Variants in PHF13 observed in about 807,000 individuals in gnomAD.
PHF13 encodes PHD zinc finger protein PHF5.
Under a neutral mutation model 25.8 loss-of-function variants are expected in PHF13, and 1 was observed. That is an observed-to-expected ratio of 0.04 (90% confidence interval 0.01 to 0.18). PHF13 has a LOEUF of 0.18. Among genes scored for constraint, PHF13 ranks in the 10% least tolerant of loss-of-function variants. The probability of loss-of-function intolerance (pLI) is 1.00; values close to 1 mark genes in which losing one functional copy is unlikely to be tolerated. For missense variants in PHF13, 306 were observed against 403.2 expected, an observed-to-expected ratio of 0.76 and a Z score of 2.06; for synonymous variants, 195 against 162.4, an observed-to-expected ratio of 1.20 and a Z score of -1.53.
At position 6,623,411 on chromosome 1, in the gene PHF13, G is replaced by A. The variant is rs1260181327; in HGVS notation, c.*1774G>A. On this transcript the variant is annotated 3_prime_UTR_variant, in exon 4 of 4. Transcript: ENST00000377648. Reference sequence around the variant, plus strand: ...CGAGGGCAAACAGCCAGGACGCATTGGAGAGGAATTTGCCAAAGATCTACC... The same window carrying A: ...CGAGGGCAAACAGCCAGGACGCATTAGAGAGGAATTTGCCAAAGATCTACC... 1 of 152,304 alleles carries A rather than the reference G, an allele frequency of 6.6e-6. No homozygotes were observed. Among genetic ancestry groups the A allele is most frequent in the Non-Finnish European group, 1.5e-5 (1 of 67,958 alleles). 9.4% of individuals were successfully genotyped at this position (152,304 alleles called of 1,614,324 possible).
chr1:6,621,610 G>T lies in PHF13; in HGVS notation c.876G>T (p.Thr292=). 6.2e-7 allele frequency: 1 copy of T among 1,614,188 alleles called. No individual in the cohort carries two copies. Among genetic ancestry groups the T allele is most frequent in the Non-Finnish European group, 8.5e-7 (1 of 1,180,048 alleles). ...FDIRRSNRSR[T]GSRKLFLD ...TCCGCCGTTCCAACCGCTCGCGGAC[G>T]GGCTCCCGGAAGCTGTTCCTGGACT... The change falls in exon 4 of 4, where the codon ACG becomes ACT. Residue 292 remains threonine (T), a synonymous_variant. Transcript: ENST00000377648. The surrounding 1 kb of genome is among the most constrained non-coding windows in gnomAD (Gnocchi z 4.8).
intron 1 of PHF13, chr1:6,614,334 G>A (rs1159056605): frequency 5.9e-6 from 3 of 512,758 alleles, no homozygotes; most frequent in African/African-American, 4.5e-5. Flanking sequence ...CGTCCTCCCC[G>A]CGCCCTTTCC....
Position 6,620,080 on chromosome 1 carries a change from T to A in PHF13, c.419T>A (p.Leu140Gln), listed in dbSNP as rs766816738. 2 of 1,613,454 alleles carry A rather than the reference T, an allele frequency of 1.2e-6. No individual in the cohort carries two copies. Among genetic ancestry groups the A allele is most frequent in the South Asian group, 2.2e-5 (2 of 91,086 alleles). Residue 140 changes from leucine to glutamine, a missense_variant, in exon 3 of 4, where the codon CTG (leucine) becomes CAG (glutamine). Around this residue, in one of 5 missense-constraint regions of PHF13, gnomAD observed 186 missense variants for 164.0 expected, o/e 1.13. Coordinates refer to ENST00000377648, the MANE Select transcript of PHF13 (RefSeq NM_153812.3). ...PGKEGYRGGL[L>Q]KLEAADPYVE... ...AAAGAGGGGTACAGGGGGGGCTTGCTGAAGCTGGAAGCCGCTGACCCCTAC... is the reference window on the plus strand; with the variant it reads ...AAAGAGGGGTACAGGGGGGGCTTGCAGAAGCTGGAAGCCGCTGACCCCTAC...
rs1349619658 is a variant in PHF13, at chr1:6,621,959, TC to T, written c.*325del. 1 of 410,504 alleles carries T rather than the reference TC, an allele frequency of 2.4e-6. No homozygotes were observed. The highest frequency in any genetic ancestry group is 4.6e-6 in the Non-Finnish European group (1 of 217,400). The allele number at this position is 410,504 out of a possible 1,614,324, so 25.4% of individuals were successfully genotyped here. On this transcript the variant is annotated 3_prime_UTR_variant, in exon 4 of 4. Transcript: ENST00000377648. This position sits in a 1 kb window ranked among gnomAD's most constrained non-coding sequence, Gnocchi z 4.8. ...CGTTTTGCTATCATTGCTAAGAGAT[TC>T]CCGCTGATTGGGCTCAGTGCCAGCT...
rs373850265 is a variant in PHF13 at position 6,620,235 on chromosome 1, A to G, written c.574A>G (p.Ile192Val). The G allele has an allele frequency of 6.2e-7, 1 of 1,613,918 alleles. No individual in the cohort carries two copies. Among genetic ancestry groups the G allele is most frequent in the Non-Finnish European group, 8.5e-7 (1 of 1,180,038 alleles). The change falls in exon 3 of 4, where the codon ATA becomes GTA. Residue 192 changes from isoleucine to valine, a missense_variant. This residue lies in a region of PHF13 where 186 missense variants were observed against 164.0 expected (regional missense o/e 1.13). Transcript: ENST00000377648. The part of the protein sequence containing the change: ...ATVSPDQVKE[I>V]KTEGKRTIVR... ...TGTGTCACCTGATCAGGTCAAAGAA[A>G]TAAAAACTGAAGGCAAACGGACTAT...
intron 1 of PHF13, among the ~76,000 whole-genome samples, chr1:6,615,012 C>T (rs910456357): frequency 4.0e-5 from 6 of 151,472 alleles, no homozygotes; most frequent in Non-Finnish European, 8.9e-5. Context: ...TGGCGCACCC[C>T]CCTCACACAT....
Position 6,618,893 on chromosome 1 carries a change from C to T in PHF13, c.142-910C>T, listed in dbSNP as rs529934897. On this transcript the variant is annotated intron_variant, in intron 2 of 3. Transcript: ENST00000377648. ...AACTCCTGAGCTCAGGTGATCTACC[C>T]GCCTCAGCCTCCCAAAGTGCTGGGA... Among the ~76,000 whole-genome samples the T allele has an allele frequency of 5.9e-5, 9 of 151,972 alleles. No individual in the cohort carries two copies. In the East Asian group the frequency reaches 7.8e-4, roughly 13 times the overall value.
rs530418132 is a variant in PHF13 at position 6,620,615 on chromosome 1, G to A, written c.676+278G>A. 4.6e-5 allele frequency among the ~76,000 whole-genome samples: 7 copies of A among 152,326 alleles called. 1 individual carries two copies. In the South Asian group the frequency reaches 8.3e-4, roughly 18 times the overall value. ...CCAGGTAAGCATCCAGGCCGGGCAC[G>A]GTGGCTCCACCAGTAATCCCGGCAC... is the stretch of plus-strand genomic sequence containing the variant. On this transcript the variant is annotated intron_variant, in intron 3 of 3. Coordinates refer to ENST00000377648, the MANE Select transcript of PHF13 (RefSeq NM_153812.3).
Position 6,620,357 on chromosome 1 carries a change from T to A in PHF13, c.676+20T>A, listed in dbSNP as rs766976842. 3 of 1,600,672 alleles carry A rather than the reference T, an allele frequency of 1.9e-6. No individual in the cohort carries two copies. Among genetic ancestry groups the A allele is most frequent in the East Asian group, 2.2e-5 (1 of 44,672 alleles). ...ACTCAGGTGAGTGGTCCCTGAAGGA[T>A]GATGACCCTTGTTGGCTTGTGGTTA... On this transcript the variant is annotated intron_variant, in intron 3 of 3. Transcript: ENST00000377648.
Position 6,623,891 on chromosome 1 carries a change from G to A in PHF13, c.*2254G>A, listed in dbSNP as rs986052327. 3 of 152,634 alleles carry A rather than the reference G, an allele frequency of 2.0e-5. No individual in the cohort carries two copies. The highest frequency in any genetic ancestry group is 6.5e-5 in the Admixed American group (1 of 15,284). 9.5% of individuals were successfully genotyped at this position (152,634 alleles called of 1,614,324 possible). ...TTGGCCAGGCCAGACACTTCACATC[G>A]TTTACATGGTTCTGTGTAATTTTAA... On this transcript the variant is annotated 3_prime_UTR_variant, in exon 4 of 4. Transcript: ENST00000377648.
chr1:6,616,095 T>C (rs1641256711), intron 1 of PHF13, among the ~76,000 whole-genome samples: 1 of 143,952 alleles, frequency 6.9e-6, no homozygotes, highest in Admixed American at 7.3e-5. Context: ...AGTGGCGCGA[T>C]CTTGGCTCAC....
chr1:6,619,846 C>T lies in PHF13; in HGVS notation c.185C>T (p.Ala62Val). 6.2e-7 allele frequency: 1 copy of T among 1,613,300 alleles called. No individual in the cohort carries two copies. The highest frequency in any genetic ancestry group is 8.5e-7 in the Non-Finnish European group (1 of 1,179,854). The change falls in exon 3 of 4, where the codon GCT becomes GTT. Residue 62 changes from alanine to valine, a missense_variant. Coordinates refer to ENST00000377648, the MANE Select transcript of PHF13 (RefSeq NM_153812.3). ...RSSPSPANST[A>V]GTIDSDGWDA... ...AGCCCCAGCCCTGCTAACAGCACTGCTGGTACCATTGACAGCGACGGCTGG... is the reference window on the plus strand; with the variant it reads ...AGCCCCAGCCCTGCTAACAGCACTGTTGGTACCATTGACAGCGACGGCTGG...
chr1:6,618,349 T>G (rs1641290798), intron 2 of PHF13, among the ~76,000 whole-genome samples: 1 of 152,204 alleles, frequency 6.6e-6, no homozygotes, highest in African/African-American at 2.4e-5. Context: ...CCCAGGTTGG[T>G]GTCAAACTCC....
At chr1:6,614,911 G>C (rs1051693998) in intron 1 of PHF13, among the ~76,000 whole-genome samples, 1 of 150,798 alleles carries the variant, frequency 6.6e-6, no homozygotes, top group Admixed American at 6.6e-5. Context: ...GGCGGGTGGG[G>C]GAGGGGAGGC....
Position 6,623,245 on chromosome 1 carries a change from C to T in PHF13, c.*1608C>T, listed in dbSNP as rs1231172674. The T allele has an allele frequency of 2.0e-5, 3 of 152,412 alleles. No individual in the cohort carries two copies. The highest frequency in any genetic ancestry group is 2.1e-4 in the South Asian group (1 of 4,830). 9.4% of individuals were successfully genotyped at this position (152,412 alleles called of 1,614,324 possible). A position where few individuals can be genotyped will look rare whatever the true frequency, so the allele number is the denominator to read the frequency against. ...TGTCCTAGTATCTTTCACACTTGTC[C>T]AACCGTCTTATTTTTTTAAAAGTTC... On this transcript the variant is annotated 3_prime_UTR_variant, in exon 4 of 4. Coordinates refer to ENST00000377648, the MANE Select transcript of PHF13 (RefSeq NM_153812.3).
chr1:6,623,980 C>T lies in PHF13; in HGVS notation c.*2343C>T, dbSNP rs1026744891. 6.6e-6 allele frequency: 1 copy of T among 152,566 alleles called. No individual in the cohort carries two copies. The highest frequency in any genetic ancestry group is 1.5e-5 in the Non-Finnish European group (1 of 68,026). 9.5% of individuals were successfully genotyped at this position (152,566 alleles called of 1,614,324 possible). On this transcript the variant is annotated 3_prime_UTR_variant, in exon 4 of 4. Transcript: ENST00000377648. Reference sequence around the variant, plus strand: ...GTATATTTTGTAAATAAATATATTGCTACTTTGAGGTTCATGATTCAAGGT... The same window carrying T: ...GTATATTTTGTAAATAAATATATTGTTACTTTGAGGTTCATGATTCAAGGT...
In PHF13 at chr1:6,621,183, G is replaced by C. The variant is rs529096221; in HGVS notation, c.677-228G>C. On this transcript the variant is annotated intron_variant, in intron 3 of 3. Coordinates refer to ENST00000377648, the MANE Select transcript of PHF13 (RefSeq NM_153812.3). The surrounding 1 kb of genome is among the most constrained non-coding windows in gnomAD (Gnocchi z 4.8). ...ACTGCACTCCAGCCAGGGTGACAGA[G>C]TGAGACCCTGTCTTAGGGAAAAAAA... is the stretch of plus-strand genomic sequence containing the variant. Among the ~76,000 whole-genome samples, 1 of 151,600 alleles carries C rather than the reference G, an allele frequency of 6.6e-6. No individual in the cohort carries two copies. The highest frequency in any genetic ancestry group is 2.4e-5 in the African/African-American group (1 of 41,216).
intron 1 of PHF13, among the ~76,000 whole-genome samples, 171 bp downstream of exon 1, chr1:6,614,276 G>T (rs1414771400): frequency 7.9e-6 from 1 of 125,932 alleles, no homozygotes; most frequent in Non-Finnish European, 1.6e-5. Context: ...GCCCGCGCTC[G>T]GTCCTCTCCG....
chr1:6,613,792 G>T lies in PHF13; in HGVS notation c.-275G>T. 1 of 204,682 alleles carries T rather than the reference G, an allele frequency of 4.9e-6. No homozygotes were observed. The allele number at this position is 204,682 out of a possible 1,614,324, so 12.7% of individuals were successfully genotyped here. On this transcript the variant is annotated 5_prime_UTR_variant, in exon 1 of 4. Transcript: ENST00000377648. ...AGGTCGGGGAGCCGGTCGGGTTCCC[G>T]CTCACCGCCGCCGCCGCCGCCCCCT...
Sources: gnomAD v4.1 joint callset for allele counts (sites outside exome capture counted in the v4.1 genomes callset) on GRCh38, gnomAD v4.1.1 for gene constraint, gnomAD v4.1.1 regional missense constraint, Gnocchi (gnomAD v3.1) non-coding constraint, MANE v1.5 for transcripts, NCBI Gene and HGNC (gene_info 2026-07-23, HGNC 2026-07-21) for gene names.